Variants in CADPS2 observed in about 807,000 individuals in gnomAD.
The protein encoded by CADPS2 is calcium-dependent secretion activator 2.
CADPS2 carries 93 observed loss-of-function variants against 172.5 expected under a neutral mutation model. The observed-to-expected ratio is 0.54, with a 90% CI of 0.46 to 0.64. The LOEUF is 0.64. Among genes scored for constraint, CADPS2 ranks in the 30% least tolerant of loss-of-function variants. The pLI is 0.00. For synonymous variants in CADPS2, 546 were observed against 555.2 expected (o/e 0.98, Z 0.23); for missense variants, 1,420 against 1,565.9 (o/e 0.91, Z 1.57).
At chr7:122,665,758 A>C (rs1201749929) in intron 2 of CADPS2, among the ~76,000 whole-genome samples, 1 of 152,186 alleles carries the variant, frequency 6.6e-6, no homozygotes, top group African/African-American at 2.4e-5. Context: ...CAGAACTGTC[A>C]TGAGTCAGGG....
intron 12 of CADPS2, among the ~76,000 whole-genome samples, chr7:122,477,052 A>AGAGAGAG (rs1491577753): frequency 3.8e-5 from 1 of 25,988 alleles, no homozygotes; most frequent in African/African-American, 1.5e-4. Flanking sequence ...GGAGAGAGAG[A>AGAGAGAG]AGAGAGAGAG....
rs568521259 is a variant in CADPS2, at chr7:122,818,972, A to T, written c.339+67027T>A. ...TTTTATTACCCAATCTGCTCCCGAC[A>T]TTAAATAAAACTCCAAAAATTAAAT... is the stretch of plus-strand genomic sequence containing the variant. On this transcript the variant is annotated intron_variant, in intron 1 of 29. Transcript: ENST00000449022. Among the ~76,000 whole-genome samples the T allele has an allele frequency of 6.4e-3, 971 of 152,328 alleles. 12 individuals carry two copies. The highest frequency in any genetic ancestry group is 0.022 in the African/African-American group (929 of 41,572).
intron 1 of CADPS2, among the ~76,000 whole-genome samples, chr7:122,788,062 C>G (rs939828543): frequency 6.6e-6 from 1 of 152,286 alleles, no homozygotes; most frequent in Admixed American, 6.5e-5. Flanking sequence ...TAGAAGTTAA[C>G]TCAGACAAAG....
chr7:122,847,074 C>CTTCACA (rs1477956948), intron 1 of CADPS2, among the ~76,000 whole-genome samples: 1 of 152,132 alleles, frequency 6.6e-6, no homozygotes, highest in Non-Finnish European at 1.5e-5. Context: ...CTCCATTATT[C>CTTCACA]TTCACATTCA....
At chr7:122,481,509 G>A (rs2057302513) in intron 11 of CADPS2, among the ~76,000 whole-genome samples, 1 of 152,080 alleles carries the variant, frequency 6.6e-6, no homozygotes, top group African/African-American at 2.4e-5. Flanking sequence ...GGGAGCTGAG[G>A]TGGGCAGATA....
At position 122,529,394 on chromosome 7, in the gene CADPS2, T is replaced by C. The variant is rs568660228; in HGVS notation, c.1476-16079A>G. Among the ~76,000 whole-genome samples the C allele has an allele frequency of 2.0e-4, 31 of 152,194 alleles. No homozygotes were observed. The East Asian group carries it at 5.4e-3, about 27-fold the overall frequency. ...AAGGCATTTATTTCACTGAAAAAAGTATACCCATCCCTAATTTTACAACTA... is the reference window on the plus strand; with the variant it reads ...AAGGCATTTATTTCACTGAAAAAAGCATACCCATCCCTAATTTTACAACTA... On this transcript the variant is annotated intron_variant, in intron 8 of 29. Transcript: ENST00000449022.
At chr7:122,532,291 A>C (rs980634779) in intron 8 of CADPS2, among the ~76,000 whole-genome samples, 1 of 152,176 alleles carries the variant, frequency 6.6e-6, no homozygotes, top group Non-Finnish European at 1.5e-5. Context: ...AATTACCTTA[A>C]GTCTTCAGGC....
intron 2 of CADPS2, among the ~76,000 whole-genome samples, chr7:122,671,156 A>C (rs1336014693): frequency 6.6e-6 from 1 of 152,140 alleles, no homozygotes; most frequent in Non-Finnish European, 1.5e-5. Context: ...CGTAATATTT[A>C]AGTAAAAAAT....
Position 122,645,542 on chromosome 7 carries a change from T to G in CADPS2, c.787-16214A>C, listed in dbSNP as rs1440649002. On this transcript the variant is annotated intron_variant, in intron 3 of 29. Transcript: ENST00000449022. ...TATATATATAAGTATATATATATAC[T>G]TATATATATACTTAGAGAATATATA... 1.1e-4 allele frequency among the ~76,000 whole-genome samples: 13 copies of G among 122,086 alleles called. No individual in the cohort carries two copies. In the South Asian group the frequency reaches 2.4e-3, roughly 22 times the overall value. 80.1% of individuals were successfully genotyped at this position (122,086 alleles called of 152,430 possible).
rs547977740 is a variant in CADPS2, at chr7:122,345,407, G to A, written c.3612+167C>T. Among the ~76,000 whole-genome samples, 16 of 152,194 alleles carry A rather than the reference G, an allele frequency of 1.1e-4. No homozygotes were observed. The East Asian group carries it at 2.7e-3, about 26-fold the overall frequency. On this transcript the variant is annotated intron_variant, in intron 28 of 29. Transcript: ENST00000449022. Reference sequence around the variant, plus strand: ...CCGGTCTCAGCCTCCCAAAGTTCTGGGATTACAGGCATGAGCCACTATGCC... The same window carrying A: ...CCGGTCTCAGCCTCCCAAAGTTCTGAGATTACAGGCATGAGCCACTATGCC...
At chr7:122,539,740 CCTCT>C (rs903304332) in intron 8 of CADPS2, among the ~76,000 whole-genome samples, 8 of 60,012 alleles carry the variant, frequency 1.3e-4, no homozygotes, top group African/African-American at 5.3e-4. Flanking sequence ...CCTGTCTGTC[CCTCT>C]CTCTCTGTCT....
intron 2 of CADPS2, among the ~76,000 whole-genome samples, chr7:122,696,108 C>T (rs1288263467): frequency 1.3e-5 from 2 of 152,146 alleles, no homozygotes; most frequent in African/African-American, 4.8e-5. Flanking sequence ...CCATCCGCTG[C>T]TATCCTCTAG....
chr7:122,642,846 C>T (rs1230298226), intron 3 of CADPS2, among the ~76,000 whole-genome samples: 1 of 151,930 alleles, frequency 6.6e-6, no homozygotes, highest in Non-Finnish European at 1.5e-5. Flanking sequence ...CTTCCTTCTC[C>T]TACTGAAAAA....
intron 4 of CADPS2, among the ~76,000 whole-genome samples, chr7:122,622,725 T>C (rs1017846284): frequency 1.3e-5 from 2 of 152,184 alleles, no homozygotes; most frequent in Non-Finnish European, 2.9e-5. Flanking sequence ...CAGAACCGGC[T>C]GGAGGATGAA....
intron 6 of CADPS2, among the ~76,000 whole-genome samples, chr7:122,596,969 G>A (rs1014921181): frequency 6.6e-6 from 1 of 152,076 alleles, no homozygotes; most frequent in Non-Finnish European, 1.5e-5. Context: ...GGAAGGCAAA[G>A]GGGAGCTGGC....
At position 122,393,309 on chromosome 7, in the gene CADPS2, G is replaced by A. The variant is rs763697242; in HGVS notation, c.2895C>T (p.Ile965=). 35 of 1,613,638 alleles carry A rather than the reference G, an allele frequency of 2.2e-5. No individual in the cohort carries two copies. The African/African-American group carries it at 3.6e-4, about 17-fold the overall frequency. The change falls in exon 22 of 30, where the codon ATC becomes ATT. Residue 965 remains isoleucine (I), a synonymous_variant. Coordinates refer to ENST00000449022, the MANE Select transcript of CADPS2 (RefSeq NM_017954.11). The part of the protein sequence containing the change: ...EQETWQPVKN[I]ANSLPNVALP... ...GAGCTACATTGGGAAGACTGTTGGCGATATTCCTGTAAAGAAACAAACAAC... is the reference window on the plus strand; with the variant it reads ...GAGCTACATTGGGAAGACTGTTGGCAATATTCCTGTAAAGAAACAAACAAC...
rs532792989 is a variant in CADPS2, at chr7:122,636,781, T to G, written c.787-7453A>C. ...CAAACTCGGTCTGCCTTTTTAAGAT[T>G]TTTTTGTTGTTGTTGAACTTGGTGA... On this transcript the variant is annotated intron_variant, in intron 3 of 29. Coordinates refer to ENST00000449022, the MANE Select transcript of CADPS2 (RefSeq NM_017954.11). 2.8e-4 allele frequency among the ~76,000 whole-genome samples: 43 copies of G among 152,164 alleles called. No homozygotes were observed. The East Asian group carries it at 8.1e-3, about 29-fold the overall frequency.
chr7:122,639,278 C>T (rs533338534), intron 3 of CADPS2, among the ~76,000 whole-genome samples: 31 of 152,040 alleles, frequency 2.0e-4, no homozygotes, highest in African/African-American at 5.3e-4. Context: ...AATTTATTTT[C>T]GACATAATTT....
chr7:122,395,693 CTCT>C lies in CADPS2; in HGVS notation c.2747-2114_2747-2112del, dbSNP rs554876109. Among the ~76,000 whole-genome samples, 52 of 152,294 alleles carry C rather than the reference CTCT, an allele frequency of 3.4e-4. 1 individual carries two copies. The highest frequency in any genetic ancestry group is 1.2e-3 in the African/African-American group (51 of 41,556). ...GGGTCTCTACTTAAGAACTCTCATT[CTCT>C]TCTTCCTCCTCCTCATCCCTAGCAT... is the stretch of plus-strand genomic sequence containing the variant. On this transcript the variant is annotated intron_variant, in intron 20 of 29. Transcript: ENST00000449022.
Sources: allele counts gnomAD v4.1 joint callset (sites outside exome capture counted in the v4.1 genomes callset), GRCh38; gene constraint gnomAD v4.1.1; transcripts MANE v1.5; gene names NCBI Gene and HGNC (gene_info 2026-07-23, HGNC 2026-07-21).